SLC25A13: variants seen among roughly 807,000 people sequenced by gnomAD.
SLC25A13 encodes the protein solute carrier family 25 member 13, also known as electrogenic aspartate/glutamate antiporter SLC25A13, mitochondrial.
SLC25A13 carries 70 observed loss-of-function variants against 85.5 expected under a neutral mutation model. That is an observed-to-expected ratio of 0.82 (90% CI 0.68 to 1.00). The LOEUF (loss-of-function observed/expected upper bound fraction) is 1.00, where lower values mean the gene tolerates loss of function less well. Ranked by LOEUF, SLC25A13 falls within the 50% of genes least tolerant of loss-of-function variation. The pLI is 0.00. For synonymous variants in SLC25A13, 259 were observed against 288.7 expected, an observed-to-expected ratio of 0.90 and a Z score of 1.04; for missense variants, 765 against 819.8, an observed-to-expected ratio of 0.93 and a Z score of 0.82.
At chr7:96,247,358 G>GA (rs202219259) in intron 3 of SLC25A13, among the ~76,000 whole-genome samples, 7 of 150,278 alleles carry the variant, frequency 4.7e-5, no homozygotes, top group South Asian at 2.1e-4. Flanking sequence ...CCATAAAAAA[G>GA]AAAAAAAAAG....
At chr7:96,122,404 T>C (rs2116386516) in intron 15 of SLC25A13, among the ~76,000 whole-genome samples, 2 of 152,320 alleles carry the variant, frequency 1.3e-5, no homozygotes, top group Middle Eastern at 6.8e-3. Context: ...AGGTGAAGCT[T>C]GTTATGCGTT....
At chr7:96,283,173 T>TCATTA (rs1798753100) in intron 2 of SLC25A13, among the ~76,000 whole-genome samples, 1 of 152,198 alleles carries the variant, frequency 6.6e-6, no homozygotes, top group South Asian at 2.1e-4. Flanking sequence ...TACAATACTA[T>TCATTA]CATTACAGTG....
At chr7:96,226,315 G>A (rs745844885) in intron 4 of SLC25A13, among the ~76,000 whole-genome samples, 38 of 152,042 alleles carry the variant, frequency 2.5e-4, no homozygotes, top group Non-Finnish European at 1.2e-4. Flanking sequence ...GTGTCCTCAA[G>A]GTTCATTCAT....
chr7:96,124,462 T>C (rs1791642871), intron 15 of SLC25A13, among the ~76,000 whole-genome samples: 1 of 152,206 alleles, frequency 6.6e-6, no homozygotes. Flanking sequence ...TATACATTGA[T>C]ATTACATAGA....
chr7:96,308,043 T>C (rs1028349526), intron 1 of SLC25A13, among the ~76,000 whole-genome samples: 1 of 151,520 alleles, frequency 6.6e-6, no homozygotes, highest in Non-Finnish European at 1.5e-5. Context: ...ATCCCGGCTA[T>C]TCGGGAGGCT....
At chr7:96,265,755 T>C (rs375437274) in intron 3 of SLC25A13, among the ~76,000 whole-genome samples, 2 of 152,190 alleles carry the variant, frequency 1.3e-5, no homozygotes, top group Non-Finnish European at 2.9e-5. Flanking sequence ...CAGGTTATTA[T>C]AACAAAATAT....
At chr7:96,177,732 CT>C (rs752265028) in intron 11 of SLC25A13, among the ~76,000 whole-genome samples, 2 of 152,074 alleles carry the variant, frequency 1.3e-5, no homozygotes, top group Admixed American at 6.6e-5. Flanking sequence ...ATCACTTATT[CT>C]TCCTCCTCCT....
chr7:96,121,346 A>T lies in SLC25A13; in HGVS notation c.1873T>A (p.Ser625Thr). 1 of 1,614,216 alleles carries T rather than the reference A, an allele frequency of 6.2e-7. No individual in the cohort carries two copies. The highest frequency in any genetic ancestry group is 8.5e-7 in the Non-Finnish European group (1 of 1,180,028). Residue 625 changes from serine to threonine, a missense_variant, in exon 18 of 18, where the codon TCC becomes ACC. Ser to Thr is a moderately conservative substitution (Grantham distance 58). Coordinates refer to ENST00000265631, the MANE Select transcript of SLC25A13 (RefSeq NM_014251.3). ...TTCGGGGCAGGCAGGTTGATCCTGG[A>T]TTTAGGAACTGGCTCTGATCCCATG... Reference protein sequence around the residue: ...KPMGSEPVPKSRINLPAPNPD... With the variant: ...KPMGSEPVPKTRINLPAPNPD...
chr7:96,237,932 G>A (rs924655632), intron 3 of SLC25A13, among the ~76,000 whole-genome samples: 2 of 152,142 alleles, frequency 1.3e-5, no homozygotes, highest in Non-Finnish European at 2.9e-5. Flanking sequence ...AGGTAACAGT[G>A]GGACATGTAG....
At chr7:96,146,821 G>T in intron 13 of SLC25A13, 125 bp from the exon 14 acceptor site, 1 of 1,197,066 alleles carries the variant, frequency 8.4e-7, no homozygotes, top group East Asian at 2.3e-5. Context: ...TTCAGCCCTT[G>T]TCCCATCAAT....
intron 13 of SLC25A13, among the ~76,000 whole-genome samples, chr7:96,154,740 T>A (rs1027716351): frequency 3.3e-5 from 5 of 152,172 alleles, no homozygotes; most frequent in African/African-American, 9.6e-5. Flanking sequence ...GGTTTACTCA[T>A]CTTTTTCTTT....
Position 96,310,813 on chromosome 7 carries a change from G to A in SLC25A13, c.15+11129C>T, listed in dbSNP as rs541732450. ...CAATAATTATCACTCATTATGTTGT[G>A]TTGGATTTTTTTAATTCCATGTGTT... On this transcript the variant is annotated intron_variant, in intron 1 of 17. Coordinates refer to ENST00000265631, the MANE Select transcript of SLC25A13 (RefSeq NM_014251.3). Among the ~76,000 whole-genome samples the A allele has an allele frequency of 6.6e-5, 10 of 152,180 alleles. No homozygotes were observed. The South Asian group carries it at 2.1e-3, about 32-fold the overall frequency.
chr7:96,239,037 T>TTATATATATATATATATATA (rs58990918), intron 3 of SLC25A13, among the ~76,000 whole-genome samples: 49 of 130,836 alleles, frequency 3.7e-4, no homozygotes, highest in South Asian at 1.2e-3. Context: ...ACTATATATT[T>TTATATATATATATATATATA]TATATATATA....
chr7:96,234,907 A>C lies in SLC25A13; in HGVS notation c.223T>G (p.Phe75Val), dbSNP rs982544955. 4 of 1,612,810 alleles carry C rather than the reference A, an allele frequency of 2.5e-6. No individual in the cohort carries two copies. In the African/African-American group the frequency reaches 5.3e-5, roughly 22 times the overall value. ...GATTCAAAGGCAACAAATTCTTGAA[A>C]AGATATTAATCTGCAACATAAAACA... ...VDQTKDGLIS[F>V]QEFVAFESVL... is the part of the protein sequence containing the mutation. Residue 75 changes from phenylalanine to valine, a missense_variant, in exon 4 of 18, where the codon TTT becomes GTT. By Grantham distance (50) the Phe-to-Val change is conservative (BLOSUM62 -1). Transcript: ENST00000265631.
At chr7:96,208,686 T>C (rs1795557355) in intron 5 of SLC25A13, 152 bp downstream of exon 5, 2 of 819,026 alleles carry the variant, frequency 2.4e-6, no homozygotes, top group South Asian at 1.4e-5. Flanking sequence ...TTTGTATTTT[T>C]AGTAGAGACG....
chr7:96,172,036 T>C (rs1794023917), intron 11 of SLC25A13, among the ~76,000 whole-genome samples: 1 of 113,926 alleles, frequency 8.8e-6, no homozygotes, highest in Non-Finnish European at 1.7e-5. Flanking sequence ...CCCTGTGTCA[T>C]ACTGAGAGAG....
At chr7:96,208,394 T>C (rs892003559) in intron 5 of SLC25A13, among the ~76,000 whole-genome samples, 1 of 152,338 alleles carries the variant, frequency 6.6e-6, no homozygotes. Flanking sequence ...TAAACTGTAG[T>C]AAGTATGTAG....
intron 1 of SLC25A13, among the ~76,000 whole-genome samples, chr7:96,302,414 A>G (rs1188186806): frequency 2.6e-5 from 4 of 152,228 alleles, no homozygotes; most frequent in African/African-American, 7.2e-5. Flanking sequence ...TCATTACTTT[A>G]ACAAATCACA....
chr7:96,284,635 C>T (rs1370258878), intron 2 of SLC25A13, among the ~76,000 whole-genome samples: 1 of 152,198 alleles, frequency 6.6e-6, no homozygotes, highest in Non-Finnish European at 1.5e-5. Flanking sequence ...TAATAATCCC[C>T]ATGTGTCCAG....
Sources: allele counts gnomAD v4.1 joint callset (sites outside exome capture counted in the v4.1 genomes callset), GRCh38; gene constraint gnomAD v4.1.1; transcripts MANE v1.5; gene names NCBI Gene and HGNC (gene_info 2026-07-23, HGNC 2026-07-21).